WDR72: variants seen among roughly 807,000 people sequenced by gnomAD.
The protein encoded by WDR72 is WD repeat-containing protein 72.
WDR72 carries 120 observed loss-of-function variants against 124.2 expected under a neutral mutation model. The observed-to-expected ratio is 0.97, with a 90% CI of 0.83 to 1.12. WDR72 has a LOEUF of 1.12. Ranked by LOEUF, WDR72 falls within the 50% of genes most tolerant of loss-of-function variation. WDR72 has a pLI of 0.00. For synonymous variants in WDR72, 452 were observed against 441.7 expected (o/e 1.02, Z -0.29); for missense variants, 1,387 against 1,278.8 (o/e 1.08, Z -1.29).
At chr15:53,686,551 AT>A (rs1032769521) in intron 13 of WDR72, among the ~76,000 whole-genome samples, 11 of 151,868 alleles carry the variant, frequency 7.2e-5, no homozygotes, top group Admixed American at 6.5e-4. Context: ...GAGCACCCAG[AT>A]TCATAAAGCA....
intron 18 of WDR72, among the ~76,000 whole-genome samples, chr15:53,592,115 C>T (rs2012538112): frequency 6.6e-6 from 1 of 151,994 alleles, no homozygotes. Context: ...CACTTTGTGC[C>T]ACTAGTGTGC....
In WDR72 at chr15:53,702,252, G is replaced by A; in HGVS notation, c.1451C>T (p.Ser484Phe). 6.2e-7 allele frequency: 1 copy of A among 1,614,098 alleles called. No homozygotes were observed. Among genetic ancestry groups the A allele is most frequent in the Non-Finnish European group, 8.5e-7 (1 of 1,180,010 alleles). ...GATCACACATGAGTCCAGGTCCCCA[G>A]ACAACATCCAACTTTGGTCTAATTT... is the stretch of plus-strand genomic sequence containing the variant. ...SSKLDQSWML[S>F]GDLDSCVILW... Residue 484 changes from serine (S) to phenylalanine (F), a missense_variant, in exon 12 of 20, where the codon TCT becomes TTT. Physicochemically the swap from Ser to Phe is radical, Grantham distance 155. Transcript: ENST00000360509.
intron 1 of WDR72, among the ~76,000 whole-genome samples, chr15:53,744,923 A>G (rs2459367): frequency 0.31 from 46,328 of 151,868 alleles, 7,931 homozygotes; most frequent in African/African-American, 0.47. Context: ...TCCTCTCTTC[A>G]TGTTCTACCA....
In WDR72 at chr15:53,621,720, A is replaced by G. The variant is rs368783678; in HGVS notation, c.1963-5477T>C. ...GCTCTTGGGTGATGGGTGCAACAGA[A>G]TCTCACAAATCACCACTAAAGCATT... On this transcript the variant is annotated intron_variant, in intron 14 of 19. Coordinates refer to ENST00000360509, the MANE Select transcript of WDR72 (RefSeq NM_182758.4). Among the ~76,000 whole-genome samples the G allele has an allele frequency of 7.6e-4, 116 of 152,058 alleles. 1 individual carries two copies. Among genetic ancestry groups the G allele is most frequent in the African/African-American group, 2.6e-3 (107 of 41,474 alleles).
chr15:53,524,040 T>C (rs768358129), intron 18 of WDR72, among the ~76,000 whole-genome samples: 1 of 152,052 alleles, frequency 6.6e-6, no homozygotes, highest in Non-Finnish European at 1.5e-5. Flanking sequence ...TTTCCACTTT[T>C]TCCACAAGTT....
chr15:53,559,097 C>G (rs576797505), intron 18 of WDR72, among the ~76,000 whole-genome samples: 4 of 151,996 alleles, frequency 2.6e-5, no homozygotes, highest in Admixed American at 6.6e-5. Context: ...AAAAGCAACG[C>G]CAACGTTAAA....
intron 18 of WDR72, among the ~76,000 whole-genome samples, chr15:53,546,522 G>A (rs922855979): frequency 6.6e-6 from 1 of 151,484 alleles, no homozygotes; most frequent in East Asian, 1.9e-4. Flanking sequence ...GGTGGGGTGG[G>A]GGGAGAGGGG....
intron 1 of WDR72, among the ~76,000 whole-genome samples, chr15:53,741,040 A>G (rs116271669): frequency 5.3e-4 from 81 of 152,294 alleles, no homozygotes; most frequent in African/African-American, 1.8e-3. Flanking sequence ...TTCTTATTCA[A>G]ATTAAACTGA....
chr15:53,709,381 G>C (rs1288599102), intron 9 of WDR72, among the ~76,000 whole-genome samples: 1 of 152,200 alleles, frequency 6.6e-6, no homozygotes, highest in East Asian at 1.9e-4. Flanking sequence ...ACTGGTAAAA[G>C]ACCTATAAGC....
intron 14 of WDR72, among the ~76,000 whole-genome samples, chr15:53,650,916 T>TA (rs1555418925): frequency 7.0e-6 from 1 of 142,454 alleles, no homozygotes; most frequent in African/African-American, 2.6e-5. Context: ...TTTTTTTTTT[T>TA]ACATAGCAAA....
chr15:53,705,286 A>G (rs113835138), intron 10 of WDR72, 53 bp from the exon 11 acceptor site: 6 of 1,573,822 alleles, frequency 3.8e-6, no homozygotes, highest in Non-Finnish European at 5.2e-6. Flanking sequence ...TACATCATAG[A>G]CATGGAAAAT....
intron 14 of WDR72, among the ~76,000 whole-genome samples, chr15:53,644,072 T>C (rs2014954695): frequency 6.6e-6 from 1 of 152,162 alleles, no homozygotes; most frequent in Admixed American, 6.6e-5. Context: ...TAAATTTCTA[T>C]TGTGATTTGA....
chr15:53,599,285 CT>C (rs2012933105), intron 17 of WDR72, among the ~76,000 whole-genome samples: 1 of 152,016 alleles, frequency 6.6e-6, no homozygotes, highest in Admixed American at 6.6e-5. Context: ...TTTTATAACA[CT>C]GAAGCTATTT....
At chr15:53,532,650 G>A (rs1474627868) in intron 18 of WDR72, among the ~76,000 whole-genome samples, 2 of 152,046 alleles carry the variant, frequency 1.3e-5, no homozygotes, top group African/African-American at 4.8e-5. Flanking sequence ...TTAGTGGGAA[G>A]CGGGGGATAA....
chr15:53,661,726 T>C (rs2015616123), intron 14 of WDR72, among the ~76,000 whole-genome samples: 1 of 152,118 alleles, frequency 6.6e-6, no homozygotes, highest in Admixed American at 6.6e-5. Flanking sequence ...ATTTTAATAA[T>C]ATATTTCATT....
At chr15:53,644,998 C>T (rs1041478064) in intron 14 of WDR72, among the ~76,000 whole-genome samples, 43 of 152,094 alleles carry the variant, frequency 2.8e-4, no homozygotes, top group African/African-American at 1.0e-3. Flanking sequence ...CAACTTAGTG[C>T]GTGAAACCCA....
chr15:53,716,551 T>C, intron 4 of WDR72, 56 bp downstream of exon 4: 1 of 1,138,940 alleles, frequency 8.8e-7, no homozygotes, highest in Non-Finnish European at 1.3e-6. Flanking sequence ...TATTTGCAAA[T>C]GCCCTAAACA....
chr15:53,590,247 T>C (rs2012429587), intron 18 of WDR72, among the ~76,000 whole-genome samples: 1 of 152,052 alleles, frequency 6.6e-6, no homozygotes, highest in Admixed American at 6.6e-5. Flanking sequence ...CTCGTATGTG[T>C]ATGCCAAATC....
intron 16 of WDR72, among the ~76,000 whole-genome samples, chr15:53,613,407 A>G (rs1434686683): frequency 6.6e-6 from 1 of 152,084 alleles, no homozygotes; most frequent in East Asian, 1.9e-4. Flanking sequence ...TATGTTTTAA[A>G]ATTATAAAAT....
Sources: gnomAD v4.1 joint callset for allele counts (sites outside exome capture counted in the v4.1 genomes callset) on GRCh38, gnomAD v4.1.1 for gene constraint, MANE v1.5 for transcripts, NCBI Gene and HGNC (gene_info 2026-07-23, HGNC 2026-07-21) for gene names.